Variants in LGSN observed in about 807,000 individuals in gnomAD.
The protein encoded by LGSN is lengsin.
In LGSN, 21 loss-of-function variants were observed where a neutral mutation model predicts 19.5. The ratio of observed to expected loss-of-function variants is 1.07; its 90% CI spans 0.76 to 1.55. The LOEUF is 1.55. LGSN is among the 40% of genes most tolerant of loss of function. The pLI, the probability that LGSN is intolerant of heterozygous loss-of-function variation, is 0.00. For synonymous variants in LGSN, 257 were observed against 215.6 expected, an observed-to-expected ratio of 1.19 and a Z score of -1.68; for missense variants, 673 against 608.5, an observed-to-expected ratio of 1.11 and a Z score of -1.12.
chr6:63,446,287 G>T, the LGSN span, among the ~76,000 whole-genome samples: 1 of 145,474 alleles, frequency 6.9e-6, no homozygotes, highest in Non-Finnish European at 1.5e-5. Flanking sequence ...ATGATGGCAT[G>T]CCCTCTCACC....
At position 63,279,963 on chromosome 6, in the gene LGSN, T is replaced by C; in HGVS notation, c.*58A>G. Reference sequence around the variant, plus strand: ...TTACAAAAGTTCAGTCTTTTTGTTTTGGTAGATTAGCTTTAAGTAACAATT... The same window carrying C: ...TTACAAAAGTTCAGTCTTTTTGTTTCGGTAGATTAGCTTTAAGTAACAATT... On this transcript the variant is annotated 3_prime_UTR_variant, in exon 4 of 4. Transcript: ENST00000370657. 1 of 1,451,574 alleles carries C rather than the reference T, an allele frequency of 6.9e-7. No homozygotes were observed. The highest frequency in any genetic ancestry group is 9.3e-7 in the Non-Finnish European group (1 of 1,078,838). The allele number at this position is 1,451,574 out of a possible 1,614,324, so 89.9% of individuals were successfully genotyped here.
chr6:63,412,718 G>GGACGGAAAGAAAGAAA, the LGSN span, among the ~76,000 whole-genome samples: 2 of 54,802 alleles, frequency 3.6e-5, no homozygotes, highest in South Asian at 7.0e-4. Context: ...AGGGAAGGAA[G>GGACGGAAAGAAAGAAA]GAAAGAAAGA....
At chr6:63,330,200 G>GT in the LGSN span, among the ~76,000 whole-genome samples, 45 of 152,302 alleles carry the variant, frequency 3.0e-4, no homozygotes, top group African/African-American at 1.1e-3. Context: ...ATTGGACAAT[G>GT]TTTTTTAAAG....
the LGSN span, among the ~76,000 whole-genome samples, chr6:63,348,867 A>G: frequency 6.6e-6 from 1 of 151,504 alleles, no homozygotes; most frequent in Admixed American, 6.6e-5. Flanking sequence ...CTGAGATTAC[A>G]GGCATGAGCC....
At chr6:63,503,120 G>C in the LGSN span, among the ~76,000 whole-genome samples, 1 of 151,880 alleles carries the variant, frequency 6.6e-6, no homozygotes, top group South Asian at 2.1e-4. Context: ...TTCATCATGA[G>C]TAAATTTTTT....
chr6:63,546,621 G>C, the LGSN span, among the ~76,000 whole-genome samples: 1 of 152,040 alleles, frequency 6.6e-6, no homozygotes, highest in Non-Finnish European at 1.5e-5. Flanking sequence ...CAGAATAAAC[G>C]CTCAAACCAG....
At chr6:63,451,771 G>T in the LGSN span, among the ~76,000 whole-genome samples, 1 of 151,408 alleles carries the variant, frequency 6.6e-6, no homozygotes, top group African/African-American at 2.4e-5. Flanking sequence ...TAAAAAAAAA[G>T]AAAAAAGTAA....
intron 1 of LGSN, among the ~76,000 whole-genome samples, chr6:63,314,776 A>G (rs1206545944): frequency 6.6e-6 from 1 of 152,226 alleles, no homozygotes; most frequent in Non-Finnish European, 1.5e-5. Flanking sequence ...ATTGTTTCAC[A>G]TAGTTATAGT....
chr6:63,517,121 G>A, the LGSN span, among the ~76,000 whole-genome samples: 1 of 152,036 alleles, frequency 6.6e-6, no homozygotes, highest in Non-Finnish European at 1.5e-5. Flanking sequence ...TAGTAAGTGT[G>A]CAATACATCA....
rs181573528 is a variant in LGSN, at chr6:63,306,009, G to A, written c.31-10964C>T. On this transcript the variant is annotated intron_variant, in intron 1 of 3. Transcript: ENST00000370657. The stretch of plus-strand genomic sequence containing the variant: ...TTAAACCCAGGAGGTGGAGGTTACA[G>A]TGAGCCAAGATCGCACCACTGCACT... Among the ~76,000 whole-genome samples, 26 of 152,308 alleles carry A rather than the reference G, an allele frequency of 1.7e-4. 1 individual carries two copies. In the East Asian group the frequency reaches 5.0e-3, roughly 29 times the overall value.
chr6:63,399,394 A>ATTT, the LGSN span, among the ~76,000 whole-genome samples: 969 of 140,760 alleles, frequency 6.9e-3, 10 homozygotes, highest in African/African-American at 0.024. Flanking sequence ...AACAGTACTA[A>ATTT]TTTTTTTTTT....
chr6:63,356,061 A>T, the LGSN span, among the ~76,000 whole-genome samples: 1 of 151,960 alleles, frequency 6.6e-6, no homozygotes, highest in Non-Finnish European at 1.5e-5. Context: ...ATATGTCCAA[A>T]TTTCCCCTTT....
the LGSN span, among the ~76,000 whole-genome samples, chr6:63,401,499 T>C: frequency 6.6e-6 from 1 of 152,116 alleles, no homozygotes; most frequent in Admixed American, 6.6e-5. Flanking sequence ...TCACAAGATG[T>C]CCATTAATCA....
the LGSN span, among the ~76,000 whole-genome samples, chr6:63,495,469 T>TTTG: frequency 5.0e-5 from 6 of 119,298 alleles, no homozygotes; most frequent in African/African-American, 1.7e-4. Context: ...TTTTTTTTTT[T>TTTG]TTTTTTTGAG....
the LGSN span, among the ~76,000 whole-genome samples, chr6:63,415,496 A>T: frequency 1.3e-5 from 2 of 152,216 alleles, no homozygotes; most frequent in African/African-American, 4.8e-5. Context: ...AGAAGTGCCG[A>T]GGGAAGGGGA....
At chr6:63,483,000 T>C in the LGSN span, among the ~76,000 whole-genome samples, 81,558 of 152,066 alleles carry the variant, frequency 0.54, 23,700 homozygotes, top group African/African-American at 0.77. Context: ...CATGCCTGAC[T>C]TATTCTTTCA....
At chr6:63,345,600 G>A in the LGSN span, among the ~76,000 whole-genome samples, 90 of 152,198 alleles carry the variant, frequency 5.9e-4, no homozygotes, top group East Asian at 0.015. Flanking sequence ...CCAAGATAAC[G>A]ATAGGTAGCA....
At chr6:63,447,976 T>C in the LGSN span, among the ~76,000 whole-genome samples, 2 of 152,232 alleles carry the variant, frequency 1.3e-5, no homozygotes, top group Admixed American at 1.3e-4. Context: ...TAGTGAATTA[T>C]ATTTGTCAGC....
chr6:63,442,167 G>A, the LGSN span, among the ~76,000 whole-genome samples: 5 of 152,144 alleles, frequency 3.3e-5, no homozygotes, highest in East Asian at 1.9e-4. Context: ...GCGTTTGTTC[G>A]TCCCTCCCAA....
Sources: gnomAD v4.1 joint callset for allele counts (sites outside exome capture counted in the v4.1 genomes callset) on GRCh38, gnomAD v4.1.1 for gene constraint, MANE v1.5 for transcripts, NCBI Gene and HGNC (gene_info 2026-07-23, HGNC 2026-07-21) for gene names.